The following FAM200B variants were observed in gnomAD, a reference collection of about 807,000 sequenced individuals.
The protein encoded by FAM200B is protein FAM200B.
FAM200B carries 32 observed loss-of-function variants against 33.1 expected under a neutral mutation model. That is an observed-to-expected ratio of 0.97 (90% confidence interval 0.73 to 1.30). FAM200B has a LOEUF of 1.30. Among genes scored for constraint, FAM200B ranks in the 50% most tolerant of loss-of-function variants. The probability of loss-of-function intolerance (pLI) is 0.00; values close to 1 mark genes in which losing one functional copy is unlikely to be tolerated. For missense variants in FAM200B, 741 were observed against 754.0 expected (o/e 0.98, Z 0.20); for synonymous variants, 240 against 264.8 (o/e 0.91, Z 0.91).
the FAM200B span, among the ~76,000 whole-genome samples, chr4:15,638,270 T>G: frequency 6.6e-6 from 1 of 152,210 alleles, no homozygotes; most frequent in Non-Finnish European, 1.5e-5. Context: ...TATAAATTTA[T>G]TCAAGAAACA....
At chr4:15,645,126 C>T in the FAM200B span, among the ~76,000 whole-genome samples, 1 of 151,838 alleles carries the variant, frequency 6.6e-6, no homozygotes, top group Non-Finnish European at 1.5e-5. Context: ...TAACACCATA[C>T]CTCCTAGACT....
the FAM200B span, among the ~76,000 whole-genome samples, chr4:15,646,360 T>A: frequency 9.1e-6 from 1 of 109,366 alleles, no homozygotes. Flanking sequence ...GTTAAATACA[T>A]ATTATAGATT....
chr4:15,650,021 G>A, the FAM200B span, among the ~76,000 whole-genome samples: 2 of 152,086 alleles, frequency 1.3e-5, no homozygotes, highest in Non-Finnish European at 1.5e-5. Context: ...AAGAACACTT[G>A]CTCTAAAGCA....
At position 15,690,182 on chromosome 4, in the gene FAM200B, C is replaced by T. The variant is rs755059390; in HGVS notation, c.*1231C>T. ...CAGAAACGGCATTGATGTTGCTTCA[C>T]GTTGCTGATGCTTAAGCAATGTATA... On this transcript the variant is annotated 3_prime_UTR_variant, in exon 2 of 2. Coordinates refer to ENST00000422728, the MANE Select transcript of FAM200B (RefSeq NM_001145191.2). The T allele has an allele frequency of 2.4e-5, 4 of 167,068 alleles. No homozygotes were observed. The highest frequency in any genetic ancestry group is 2.1e-4 in the South Asian group (1 of 4,834). 10.3% of individuals were successfully genotyped at this position (167,068 alleles called of 1,614,324 possible).
chr4:15,662,546 A>G, the FAM200B span, among the ~76,000 whole-genome samples: 1 of 152,228 alleles, frequency 6.6e-6, no homozygotes, highest in Non-Finnish European at 1.5e-5. Context: ...ATCATCAGAT[A>G]TGCATTGTTC....
chr4:15,675,959 A>G, the FAM200B span, among the ~76,000 whole-genome samples: 1 of 152,218 alleles, frequency 6.6e-6, no homozygotes, highest in Non-Finnish European at 1.5e-5. Context: ...ATCCACAGAT[A>G]TCAAAGATTT....
At chr4:15,651,355 T>C in the FAM200B span, among the ~76,000 whole-genome samples, 2 of 152,216 alleles carry the variant, frequency 1.3e-5, no homozygotes, top group African/African-American at 4.8e-5. Context: ...ACTAATTGAA[T>C]GAGTTGGGTA....
the FAM200B span, among the ~76,000 whole-genome samples, chr4:15,663,460 T>A: frequency 0.28 from 42,211 of 152,050 alleles, 6,098 homozygotes; most frequent in East Asian, 0.47. Context: ...GTTGGACTGA[T>A]TGTCTGGGTT....
intron 1 of FAM200B, among the ~76,000 whole-genome samples, 152 bp from the exon 2 acceptor site, chr4:15,686,084 G>T (rs543659291): frequency 1.3e-5 from 2 of 152,238 alleles, no homozygotes; most frequent in South Asian, 4.1e-4. Flanking sequence ...TACAGAAATA[G>T]GCCTAAGCCA....
At chr4:15,656,274 C>T in the FAM200B span, 2 of 456,122 alleles carry the variant, frequency 4.4e-6, no homozygotes, top group African/African-American at 4.0e-5. Context: ...TGGCCCTGGC[C>T]ACAGACCTCC....
the FAM200B span, among the ~76,000 whole-genome samples, chr4:15,640,394 A>G: frequency 3.3e-4 from 4 of 12,174 alleles, no homozygotes; most frequent in Non-Finnish European, 7.2e-4. Context: ...TACACTACTG[A>G]AAAAAAAAAA....
Position 15,688,253 on chromosome 4 carries a change from G to A in FAM200B, c.1276G>A (p.Val426Ile), listed in dbSNP as rs1456618082. The change falls in exon 2 of 2, where the codon GTA (valine) becomes ATA (isoleucine). Residue 426 changes from valine (V) to isoleucine (I), a missense_variant. Val to Ile is a conservative substitution (Grantham distance 29). Transcript: ENST00000422728. ...LASIFEDDTW[V>I]TKLAYLTDIF... ...AAGTATTTTTGAAGATGATACTTGG[G>A]TAACAAAATTGGCATATTTAACTGA... is the stretch of plus-strand genomic sequence containing the variant. 6.5e-7 allele frequency: 1 copy of A among 1,548,800 alleles called. No individual in the cohort carries two copies. Among genetic ancestry groups the A allele is most frequent in the African/African-American group, 1.4e-5 (1 of 73,052 alleles).
At chr4:15,667,067 A>G in the FAM200B span, among the ~76,000 whole-genome samples, 2 of 152,216 alleles carry the variant, frequency 1.3e-5, no homozygotes, top group Non-Finnish European at 2.9e-5. Flanking sequence ...AACATTATAA[A>G]CCATATTTGT....
At chr4:15,676,695 G>C (rs999217371), upstream of FAM200B, among the ~76,000 whole-genome samples, 14 of 152,020 alleles carry the variant, frequency 9.2e-5, no homozygotes, top group African/African-American at 2.4e-4. Context: ...AGTATTACGG[G>C]GGGGAGGGGG....
At chr4:15,681,618 A>G (rs1475672259), upstream of FAM200B, 2 of 152,578 alleles carry the variant, frequency 1.3e-5, no homozygotes, top group Admixed American at 6.5e-5. Flanking sequence ...GCATTCAAAT[A>G]ACTCCCGCGA....
chr4:15,652,912 T>A, the FAM200B span, among the ~76,000 whole-genome samples: 1 of 152,184 alleles, frequency 6.6e-6, no homozygotes, highest in Admixed American at 6.5e-5. Context: ...CCTTGGTCTA[T>A]ACAACCAAAG....
the FAM200B span, among the ~76,000 whole-genome samples, chr4:15,646,001 A>G: frequency 1.3e-5 from 2 of 152,236 alleles, no homozygotes; most frequent in African/African-American, 4.8e-5. Context: ...GAAGGTAAAT[A>G]AGACAATGAA....
At position 15,687,665 on chromosome 4, in the gene FAM200B, G is replaced by C; in HGVS notation, c.688G>C (p.Asp230His). Residue 230 changes from aspartate to histidine, a missense_variant, in exon 2 of 2, where the codon GAT becomes CAT. Physicochemically the swap from Asp to His is moderately conservative, Grantham distance 81. Coordinates refer to ENST00000422728, the MANE Select transcript of FAM200B (RefSeq NM_001145191.2). Reference sequence around the variant, plus strand: ...TGGTATAGATTTTGCAATCCAGCTTGATGAAAGCACTGATATTGGAAGCTG... The same window carrying C: ...TGGTATAGATTTTGCAATCCAGCTTCATGAAAGCACTGATATTGGAAGCTG... ...QSGIDFAIQL[D>H]ESTDIGSCTT... 6.4e-7 allele frequency: 1 copy of C among 1,551,196 alleles called. No homozygotes were observed. Among genetic ancestry groups the C allele is most frequent in the Non-Finnish European group, 8.7e-7 (1 of 1,146,716 alleles).
rs182017004 is a variant in FAM200B, at chr4:15,688,880, A to T, written c.1903A>T (p.Met635Leu). ...AAATGGGCTGAATTGTGCAGCAGTT[A>T]TGCGGGTAGCATTATCTTCCTGTGT... Reference protein sequence around the residue: ...ERNGLNCAAVMRVALSSCVPD... With the variant: ...ERNGLNCAAVLRVALSSCVPD... The change falls in exon 2 of 2, where the codon ATG (methionine) becomes TTG (leucine). Residue 635 changes from methionine (M) to leucine (L), a missense_variant. Physicochemically the swap from Met to Leu is conservative, Grantham distance 15 (BLOSUM62 2). Coordinates refer to ENST00000422728, the MANE Select transcript of FAM200B (RefSeq NM_001145191.2). 1.2e-5 allele frequency: 19 copies of T among 1,550,052 alleles called. No individual in the cohort carries two copies. Among genetic ancestry groups the T allele is most frequent in the Non-Finnish European group, 1.5e-5 (17 of 1,146,160 alleles).
Sources: gnomAD v4.1 joint callset for allele counts (sites outside exome capture counted in the v4.1 genomes callset) on GRCh38, gnomAD v4.1.1 for gene constraint, MANE v1.5 for transcripts, NCBI Gene and HGNC (gene_info 2026-07-23, HGNC 2026-07-21) for gene names.